Variants in TTC28 observed in about 807,000 individuals in gnomAD.
TTC28 encodes tetratricopeptide repeat domain 28, also known as tetratricopeptide repeat protein 28.
In TTC28, 61 loss-of-function variants were observed where a neutral mutation model predicts 198.0. The ratio of observed to expected loss-of-function variants is 0.31; its 90% CI spans 0.25 to 0.38. The LOEUF is 0.38. TTC28 is among the 10% of genes least tolerant of loss of function. The probability of loss-of-function intolerance (pLI) is 1.00; values close to 1 mark genes in which losing one functional copy is unlikely to be tolerated. For synonymous variants in TTC28, 1,171 were observed against 1,297.8 expected, an observed-to-expected ratio of 0.90 and a Z score of 2.10; for missense variants, 2,678 against 3,164.0, an observed-to-expected ratio of 0.85 and a Z score of 3.69.
intron 2 of TTC28, among the ~76,000 whole-genome samples, chr22:28,577,081 T>C (rs2067734407): frequency 2.0e-5 from 3 of 152,154 alleles, no homozygotes; most frequent in South Asian, 4.1e-4. Flanking sequence ...TTGAAGTTTT[T>C]CTAAATTTTT....
chr22:28,220,157 A>G (rs1229039393), intron 5 of TTC28, among the ~76,000 whole-genome samples: 1 of 152,224 alleles, frequency 6.6e-6, no homozygotes, highest in African/African-American at 2.4e-5. Context: ...GGAGAGAGAA[A>G]AATTGTTTGA....
chr22:28,585,341 T>C (rs1290434642), intron 2 of TTC28, among the ~76,000 whole-genome samples: 1 of 152,100 alleles, frequency 6.6e-6, no homozygotes, highest in Non-Finnish European at 1.5e-5. Context: ...CTGGGGGTGA[T>C]GGGAGACAGT....
chr22:28,084,407 G>C (rs542772837), intron 12 of TTC28, among the ~76,000 whole-genome samples: 14 of 152,194 alleles, frequency 9.2e-5, no homozygotes, highest in African/African-American at 3.4e-4. Context: ...ACAGGGTCTG[G>C]AGTGGACCTC....
At chr22:28,124,025 CT>C (rs949801509) in intron 6 of TTC28, among the ~76,000 whole-genome samples, 1 of 152,140 alleles carries the variant, frequency 6.6e-6, no homozygotes, top group Non-Finnish European at 1.5e-5. Context: ...TACTTCATGT[CT>C]TTTTGTATCC....
intron 5 of TTC28, among the ~76,000 whole-genome samples, chr22:28,177,440 A>C (rs1923270437): frequency 6.6e-6 from 1 of 152,246 alleles, no homozygotes. Context: ...TTTGGAAGAC[A>C]GTTGGGCAAT....
chr22:28,339,559 G>A (rs561784885), intron 2 of TTC28, among the ~76,000 whole-genome samples: 22 of 152,264 alleles, frequency 1.4e-4, no homozygotes, highest in Admixed American at 2.6e-4. Context: ...CTTCCCGGCC[G>A]CTTTGTTTAC....
At chr22:27,984,528 C>T (rs537334474) in intron 22 of TTC28, among the ~76,000 whole-genome samples, 3 of 152,040 alleles carry the variant, frequency 2.0e-5, no homozygotes, top group Non-Finnish European at 4.4e-5. Flanking sequence ...CCCTCCGACC[C>T]GCATGCACCC....
intron 2 of TTC28, among the ~76,000 whole-genome samples, chr22:28,520,223 A>G (rs1483024070): frequency 6.6e-6 from 1 of 152,212 alleles, no homozygotes; most frequent in Non-Finnish European, 1.5e-5. Flanking sequence ...ATTGAAGATA[A>G]TAATGCTTAT....
At chr22:28,119,695 T>C (rs1942733671) in intron 6 of TTC28, among the ~76,000 whole-genome samples, 1 of 152,150 alleles carries the variant, frequency 6.6e-6, no homozygotes, top group African/African-American at 2.4e-5. Context: ...TCCTACACAA[T>C]GAAAAGACAT....
Position 27,983,126 on chromosome 22 carries a change from G to A in TTC28, c.6541C>T (p.Gln2181Ter). The stretch of plus-strand genomic sequence containing the variant: ...TTGCTCACCTGGCCGCCGCTCCTCT[G>A]AAGACGCTCCACCGCAATGAGATGA... ...QSHLIAVERL[Q>*]RSGGQVSKSN... is the part of the protein sequence containing the mutation. The change falls in exon 23 of 23, where the codon CAG (glutamine) becomes TAG (stop). Residue 2181 changes from glutamine to a stop codon, truncating the protein, a stop_gained. Coordinates refer to ENST00000397906, the MANE Select transcript of TTC28 (RefSeq NM_001145418.2). LOFTEE classifies it low-confidence loss of function (END_TRUNC). 1 of 1,551,800 alleles carries A rather than the reference G, an allele frequency of 6.4e-7. No homozygotes were observed. The highest frequency in any genetic ancestry group is 8.7e-7 in the Non-Finnish European group (1 of 1,147,026).
At chr22:28,114,936 C>A (rs1189091771) in intron 6 of TTC28, among the ~76,000 whole-genome samples, 1 of 152,082 alleles carries the variant, frequency 6.6e-6, no homozygotes, top group Non-Finnish European at 1.5e-5. Flanking sequence ...TATCATTTGA[C>A]TTCAGCTAAA....
intron 2 of TTC28, among the ~76,000 whole-genome samples, chr22:28,430,965 G>A (rs1339140936): frequency 1.3e-5 from 2 of 151,302 alleles, no homozygotes; most frequent in African/African-American, 4.9e-5. Flanking sequence ...ATCTCTGCCT[G>A]GTAAAAATCA....
intron 5 of TTC28, among the ~76,000 whole-genome samples, chr22:28,168,219 T>A (rs1406579039): frequency 6.6e-6 from 1 of 152,146 alleles, no homozygotes; most frequent in Non-Finnish European, 1.5e-5. Context: ...ATAGGAAGAA[T>A]CAATATCGTG....
At chr22:28,638,525 G>T (rs982202714) in intron 1 of TTC28, among the ~76,000 whole-genome samples, 2 of 152,018 alleles carry the variant, frequency 1.3e-5, no homozygotes, top group Non-Finnish European at 2.9e-5. Flanking sequence ...TAACAAATCG[G>T]TTAAAAAAAT....
chr22:28,291,165 A>AAAGTTC (rs1411483393), intron 5 of TTC28, among the ~76,000 whole-genome samples: 1 of 152,208 alleles, frequency 6.6e-6, no homozygotes, highest in African/African-American at 2.4e-5. Flanking sequence ...AAATGATTTT[A>AAAGTTC]AAGTTCATTT....
At chr22:28,207,054 T>A (rs183567461) in intron 5 of TTC28, among the ~76,000 whole-genome samples, 2 of 152,184 alleles carry the variant, frequency 1.3e-5, no homozygotes. Flanking sequence ...GGATAATCCC[T>A]CAAATGTAAA....
At chr22:28,050,158 G>A (rs1227169687) in intron 12 of TTC28, among the ~76,000 whole-genome samples, 1 of 152,102 alleles carries the variant, frequency 6.6e-6, no homozygotes, top group Non-Finnish European at 1.5e-5. Context: ...GGGTCCCACA[G>A]GTAATAAGCA....
rs770453667 is a variant in TTC28 at position 28,107,832 on chromosome 22, C to T, written c.2013G>A (p.Leu671=). The T allele has an allele frequency of 6.4e-7, 1 of 1,551,812 alleles. No individual in the cohort carries two copies. The highest frequency in any genetic ancestry group is 1.4e-5 in the African/African-American group (1 of 73,040). ...LALAKDLHDK[L]SQAKAYCNLG... ...AGTTGCAGTAGGCTTTTGCTTGGCT[C>T]AACTTGTCGTGAAGGTCTTTAGCCA... The change falls in exon 7 of 23, where the codon TTG becomes TTA. Residue 671 remains leucine, a synonymous_variant. Coordinates refer to ENST00000397906, the MANE Select transcript of TTC28 (RefSeq NM_001145418.2).
chr22:28,218,931 T>C lies in TTC28; in HGVS notation c.934-55332A>G, dbSNP rs1927622625. On this transcript the variant is annotated intron_variant, in intron 5 of 22. Transcript: ENST00000397906. The stretch of plus-strand genomic sequence containing the variant: ...GCAGTTTTTCCCACCATTACTTTTA[T>C]ACCGTCAGTGCAAACACCAACACAG... Among the ~76,000 whole-genome samples the C allele has an allele frequency of 5.3e-5, 8 of 150,742 alleles. No homozygotes were observed. The Admixed American group carries it at 5.3e-4, about 10-fold the overall frequency.
Sources: gnomAD v4.1 joint callset for allele counts (sites outside exome capture counted in the v4.1 genomes callset) on GRCh38, gnomAD v4.1.1 for gene constraint, MANE v1.5 for transcripts, NCBI Gene and HGNC (gene_info 2026-07-23, HGNC 2026-07-21) for gene names.